Variants in NRP2 observed in about 807,000 individuals in gnomAD.
NRP2 encodes the protein neuropilin 2.
A neutral mutation model predicts 110.4 loss-of-function variants in NRP2; 52 were observed. That is an observed-to-expected ratio of 0.47 (90% CI 0.38 to 0.59). The LOEUF is 0.59. NRP2 is among the 20% of genes least tolerant of loss of function. The pLI, the probability that NRP2 is intolerant of heterozygous loss-of-function variation, is 0.00. For missense variants in NRP2, 1,049 were observed against 1,203.0 expected (o/e 0.87, Z 1.89); for synonymous variants, 508 against 468.9 (o/e 1.08, Z -1.08).
At chr2:205,751,682 A>G (rs918088597) in intron 11 of NRP2, among the ~76,000 whole-genome samples, 14 of 152,218 alleles carry the variant, frequency 9.2e-5, no homozygotes, top group African/African-American at 2.9e-4. Flanking sequence ...CCATGAGGTG[A>G]GCCCTCCTCA....
chr2:205,780,199 G>A (rs927996101), intron 15 of NRP2, among the ~76,000 whole-genome samples: 6 of 152,140 alleles, frequency 3.9e-5, no homozygotes, highest in Admixed American at 1.3e-4. Context: ...ATTTACGAGC[G>A]CTTTCCCAGA....
At chr2:205,706,311 C>T (rs1344077139) in intron 2 of NRP2, among the ~76,000 whole-genome samples, 4 of 151,820 alleles carry the variant, frequency 2.6e-5, no homozygotes, top group East Asian at 1.9e-4. Flanking sequence ...CCAGACACAC[C>T]GGAGAGTGAA....
Position 205,764,026 on chromosome 2 carries a change from T to C in NRP2, c.2307+90T>C, listed in dbSNP as rs372258304. ...ATCGTTAGGGAACGTGGTTAAGCGC[T>C]ACTGTTTTCATTGTGTTTCTCACGT... On this transcript the variant is annotated intron_variant, in intron 13 of 16. Coordinates refer to ENST00000357785, the MANE Select transcript of NRP2 (RefSeq NM_003872.3). 128 of 1,499,034 alleles carry C rather than the reference T, an allele frequency of 8.5e-5. No homozygotes were observed. In the East Asian group the frequency reaches 1.5e-3, roughly 18 times the overall value. 92.9% of individuals were successfully genotyped at this position (1,499,034 alleles called of 1,614,324 possible).
chr2:205,776,679 A>G (rs574682871), intron 15 of NRP2: 12 of 1,536,622 alleles, frequency 7.8e-6, no homozygotes, highest in South Asian at 6.0e-5. Context: ...ATCAATCCCA[A>G]CCATCCTCCT....
chr2:205,700,617 TCTA>T, intron 2 of NRP2: 3 of 470,838 alleles, frequency 6.4e-6, no homozygotes, highest in Non-Finnish European at 8.6e-6. Context: ...TACCTTGAAC[TCTA>T]CATCCCAAAG....
chr2:205,785,989 A>G (rs1435225269), intron 15 of NRP2, among the ~76,000 whole-genome samples: 1 of 152,190 alleles, frequency 6.6e-6, no homozygotes, highest in Non-Finnish European at 1.5e-5. Context: ...GTAGCCCAAG[A>G]GATAAAAGCC....
At position 205,776,605 on chromosome 2, in the gene NRP2, T is replaced by G; in HGVS notation, c.2425+9802T>G. 3.1e-6 allele frequency: 5 copies of G among 1,598,138 alleles called. No homozygotes were observed. The South Asian group carries it at 5.5e-5, about 18-fold the overall frequency. On this transcript the variant is annotated intron_variant, in intron 15 of 16. Coordinates refer to ENST00000357785, the MANE Select transcript of NRP2 (RefSeq NM_003872.3). ...GCCTCGATTTTGCACTTTTTTCTCCTCGCCTAGTTTCTGTGTGAACTCTCA... is the reference window on the plus strand; with the variant it reads ...GCCTCGATTTTGCACTTTTTTCTCCGCGCCTAGTTTCTGTGTGAACTCTCA...
intron 1 of NRP2, among the ~76,000 whole-genome samples, chr2:205,688,937 C>T (rs1210589785): frequency 6.6e-6 from 1 of 152,198 alleles, no homozygotes; most frequent in African/African-American, 2.4e-5. Context: ...ACCCGCCCTC[C>T]CCGGCCCCAT....
intron 7 of NRP2, among the ~76,000 whole-genome samples, chr2:205,734,406 C>CCCA (rs2057304197): frequency 6.7e-6 from 1 of 149,852 alleles, no homozygotes; most frequent in African/African-American, 2.5e-5. Context: ...ACCGCCCCCC[C>CCCA]CCACCCCGCA....
At chr2:205,684,747 G>A (rs2056104379) in intron 1 of NRP2, among the ~76,000 whole-genome samples, 1 of 152,210 alleles carries the variant, frequency 6.6e-6, no homozygotes, top group Non-Finnish European at 1.5e-5. Context: ...GAGATTTTCT[G>A]GGCCTCCGCC....
chr2:205,722,101 G>A (rs967951063), intron 3 of NRP2, among the ~76,000 whole-genome samples: 2 of 151,898 alleles, frequency 1.3e-5, no homozygotes, highest in Non-Finnish European at 2.9e-5. Flanking sequence ...GTGAGCAGCT[G>A]AGTAATTGAG....
intron 2 of NRP2, among the ~76,000 whole-genome samples, chr2:205,715,690 G>A (rs954078547): frequency 5.3e-5 from 8 of 152,144 alleles, no homozygotes; most frequent in African/African-American, 1.9e-4. Flanking sequence ...CATCCCCCGT[G>A]TGCCTGGCAC....
chr2:205,697,855 AG>A (rs2056468770), intron 2 of NRP2, 134 bp downstream of exon 2: 2 of 903,580 alleles, frequency 2.2e-6, no homozygotes, highest in African/African-American at 1.6e-5. Flanking sequence ...CTGGCCCCAG[AG>A]GAAAACCTCA....
At chr2:205,753,583 G>A (rs1037961498) in intron 12 of NRP2, among the ~76,000 whole-genome samples, 6 of 152,204 alleles carry the variant, frequency 3.9e-5, no homozygotes, top group African/African-American at 1.4e-4. Flanking sequence ...GATTTCAGAA[G>A]CTTCTCCTGG....
At chr2:205,728,460 G>A (rs2057173018) in intron 7 of NRP2, among the ~76,000 whole-genome samples, 1 of 152,170 alleles carries the variant, frequency 6.6e-6, no homozygotes, top group East Asian at 1.9e-4. Flanking sequence ...AAATGAAAGG[G>A]CACAAATCCT....
Position 205,795,836 on chromosome 2 carries a change from G to A in NRP2, c.*778G>A, listed in dbSNP as rs1358648166. On this transcript the variant is annotated 3_prime_UTR_variant, in exon 17 of 17. Transcript: ENST00000357785. ...GGACGAGGCTTAAAGTGCTTTGTGA[G>A]TGAATAGGAGCCATTCGCTAATTCT... 3 of 152,680 alleles carry A rather than the reference G, an allele frequency of 2.0e-5. No homozygotes were observed. The highest frequency in any genetic ancestry group is 7.2e-5 in the African/African-American group (3 of 41,458). The allele number at this position is 152,680 out of a possible 1,614,324, so 9.5% of individuals were successfully genotyped here.
intron 7 of NRP2, among the ~76,000 whole-genome samples, chr2:205,732,049 C>T (rs1433359729): frequency 6.6e-6 from 1 of 152,212 alleles, no homozygotes; most frequent in Non-Finnish European, 1.5e-5. Flanking sequence ...TCTCCACAAT[C>T]CGCCCTAGGC....
intron 13 of NRP2, 69 bp from the exon 14 acceptor site, chr2:205,765,405 T>C: frequency 7.5e-7 from 1 of 1,331,644 alleles, no homozygotes; most frequent in Non-Finnish European, 1.1e-6. Flanking sequence ...TAACAGAAAC[T>C]TGGAAATCCT....
At chr2:205,705,184 A>G (rs948428531) in intron 2 of NRP2, among the ~76,000 whole-genome samples, 2 of 3,742 alleles carry the variant, frequency 5.3e-4, no homozygotes, top group African/African-American at 5.5e-4. Context: ...ATAATTCCAG[A>G]AAAAAAAAAA....
Sources: gnomAD v4.1 joint callset for allele counts (sites outside exome capture counted in the v4.1 genomes callset) on GRCh38, gnomAD v4.1.1 for gene constraint, MANE v1.5 for transcripts, NCBI Gene and HGNC (gene_info 2026-07-23, HGNC 2026-07-21) for gene names.